Variants in SRGAP1 observed in about 807,000 individuals in gnomAD.
SRGAP1 encodes the protein SLIT-ROBO Rho GTPase activating protein 1, also known as SLIT-ROBO Rho GTPase-activating protein 1.
A neutral mutation model predicts 121.9 loss-of-function variants in SRGAP1; 43 were observed. The ratio of observed to expected loss-of-function variants is 0.35; its 90% CI spans 0.28 to 0.46. The LOEUF is 0.46. Among genes scored for constraint, SRGAP1 ranks in the 20% least tolerant of loss-of-function variants. The pLI, the probability that SRGAP1 is intolerant of heterozygous loss-of-function variation, is 1.00. For missense variants in SRGAP1, 1,102 were observed against 1,350.9 expected (o/e 0.82, Z 2.89); for synonymous variants, 447 against 485.4 (o/e 0.92, Z 1.04).
At chr12:64,098,624 C>T (rs1315091963) in intron 15 of SRGAP1, among the ~76,000 whole-genome samples, 1 of 151,388 alleles carries the variant, frequency 6.6e-6, no homozygotes, top group Admixed American at 6.6e-5. Context: ...GAGCCAAGAT[C>T]GTGCCACTGC....
In SRGAP1 at chr12:64,018,850, T is replaced by C. The variant is rs151105341; in HGVS notation, c.489+1838T>C. 8.5e-5 allele frequency among the ~76,000 whole-genome samples: 13 copies of C among 152,314 alleles called. 1 individual carries two copies. The highest frequency in any genetic ancestry group is 3.1e-4 in the African/African-American group (13 of 41,572). On this transcript the variant is annotated intron_variant, in intron 4 of 21. Coordinates refer to ENST00000355086, the MANE Select transcript of SRGAP1 (RefSeq NM_020762.4). ...TCTGATACCCTAAGGTATCAACCAT[T>C]TCTAGAAGCCCAGTAATTTAAAAGT...
At chr12:64,031,244 G>A (rs1372966637) in intron 4 of SRGAP1, among the ~76,000 whole-genome samples, 1 of 148,326 alleles carries the variant, frequency 6.7e-6, no homozygotes, top group East Asian at 2.0e-4. Context: ...CTTGAGCCTG[G>A]GAGGAGGAGG....
Position 64,148,338 on chromosome 12 carries a change from G to GT in SRGAP1, c.*5667dup, listed in dbSNP as rs2037083708. 6.8e-6 allele frequency: 1 copy of GT among 146,206 alleles called. No individual in the cohort carries two copies. Among genetic ancestry groups the GT allele is most frequent in the African/African-American group, 2.5e-5 (1 of 39,558 alleles). The allele number at this position is 146,206 out of a possible 1,614,324, so 9.1% of individuals were successfully genotyped here. A position where few individuals can be genotyped will look rare whatever the true frequency, so the allele number is the denominator to read the frequency against. On this transcript the variant is annotated 3_prime_UTR_variant, in exon 22 of 22. Coordinates refer to ENST00000355086, the MANE Select transcript of SRGAP1 (RefSeq NM_020762.4). The stretch of plus-strand genomic sequence containing the variant: ...TCTGTGTCACCCAGGCTGTAGTGCA[G>GT]TGGTGCAATCTCAGCTCACTGCAAC...
At chr12:64,048,176 C>T (rs951241884) in intron 6 of SRGAP1, among the ~76,000 whole-genome samples, 9 of 152,112 alleles carry the variant, frequency 5.9e-5, no homozygotes, top group Non-Finnish European at 1.0e-4. Flanking sequence ...CCCCCACTAC[C>T]ATTCTGTCTA....
At chr12:63,859,677 T>C (rs1899380850) in intron 1 of SRGAP1, among the ~76,000 whole-genome samples, 1 of 152,182 alleles carries the variant, frequency 6.6e-6, no homozygotes. Context: ...ATTACTAATA[T>C]AAGTATTTAG....
At position 64,127,929 on chromosome 12, in the gene SRGAP1, C is replaced by T. The variant is rs144536347; in HGVS notation, c.2609C>T (p.Pro870Leu). Reference sequence around the variant, plus strand: ...GGCAGGACCAGTGATGGCCATTGCCCGCTCCACCCTCCACATGCCCTTTCT... The same window carrying T: ...GGCAGGACCAGTGATGGCCATTGCCTGCTCCACCCTCCACATGCCCTTTCT... Reference protein sequence around the residue: ...RPGRTSDGHCPLHPPHALSNS... With the variant: ...RPGRTSDGHCLLHPPHALSNS... Residue 870 changes from proline (P) to leucine (L), a missense_variant, in exon 21 of 22, where the codon CCG becomes CTG. Pro to Leu is a moderately conservative substitution (Grantham distance 98, BLOSUM62 -3). Coordinates refer to ENST00000355086, the MANE Select transcript of SRGAP1 (RefSeq NM_020762.4). 1.9e-5 allele frequency: 30 copies of T among 1,614,064 alleles called. No homozygotes were observed. The highest frequency in any genetic ancestry group is 1.3e-4 in the African/African-American group (10 of 74,932).
At chr12:63,998,384 G>A (rs2033775183) in intron 3 of SRGAP1, among the ~76,000 whole-genome samples, 1 of 152,184 alleles carries the variant, frequency 6.6e-6, no homozygotes. Flanking sequence ...TACTTCCTGA[G>A]AGAAAGAAAT....
intron 1 of SRGAP1, among the ~76,000 whole-genome samples, chr12:63,900,249 A>T (rs1243080031): frequency 3.4e-5 from 4 of 119,390 alleles, no homozygotes; most frequent in Admixed American, 1.2e-4. Flanking sequence ...TCTTTCACCC[A>T]GGCTGGAGTG....
rs1281962351 is a variant in SRGAP1, at chr12:64,148,827, TA to T, written c.*6157del. 6.6e-6 allele frequency: 1 copy of T among 152,238 alleles called. No individual in the cohort carries two copies. Among genetic ancestry groups the T allele is most frequent in the African/African-American group, 2.4e-5 (1 of 41,470 alleles). 9.4% of individuals were successfully genotyped at this position (152,238 alleles called of 1,614,324 possible). On this transcript the variant is annotated 3_prime_UTR_variant, in exon 22 of 22. Transcript: ENST00000355086. Reference sequence around the variant, plus strand: ...ACACTGATGTATCCACCACCCAGTTTAAGCAATAGCACATTATCAGCATCCC... The same window carrying T: ...ACACTGATGTATCCACCACCCAGTTTAGCAATAGCACATTATCAGCATCCC...
chr12:63,849,588 G>T (rs558095365), intron 1 of SRGAP1, among the ~76,000 whole-genome samples: 2 of 152,312 alleles, frequency 1.3e-5, no homozygotes, highest in East Asian at 1.9e-4. Context: ...TTTAGTAGCA[G>T]ATGGAACATG....
At chr12:63,969,092 G>T (rs1230302691) in intron 1 of SRGAP1, among the ~76,000 whole-genome samples, 1 of 152,178 alleles carries the variant, frequency 6.6e-6, no homozygotes, top group Non-Finnish European at 1.5e-5. Context: ...GAAGGAAGAT[G>T]GTGTGAAGCA....
At chr12:63,864,914 A>G (rs1467291547) in intron 1 of SRGAP1, among the ~76,000 whole-genome samples, 1 of 152,132 alleles carries the variant, frequency 6.6e-6, no homozygotes, top group East Asian at 1.9e-4. Context: ...TCATATAACT[A>G]TATGGTTATA....
chr12:63,876,672 T>C (rs1256305504), intron 1 of SRGAP1, among the ~76,000 whole-genome samples: 2 of 152,192 alleles, frequency 1.3e-5, no homozygotes, highest in East Asian at 1.9e-4. Context: ...ACAAACAGAA[T>C]GATGTACGCT....
chr12:64,080,525 TCTC>T (rs1186246262), intron 10 of SRGAP1, 155 bp downstream of exon 10: 1 of 733,066 alleles, frequency 1.4e-6, no homozygotes, highest in African/African-American at 1.7e-5. Flanking sequence ...ATGATTAAGT[TCTC>T]CTGGCACGAT....
chr12:64,092,358 TC>T, intron 12 of SRGAP1, among the ~76,000 whole-genome samples: 1 of 152,170 alleles, frequency 6.6e-6, no homozygotes, highest in Non-Finnish European at 1.5e-5. Context: ...ATTAATAACC[TC>T]CCTTAATGAT....
intron 1 of SRGAP1, chr12:63,878,849 C>T (rs984423800): frequency 6.6e-6 from 1 of 152,164 alleles, no homozygotes; most frequent in Non-Finnish European, 1.5e-5. Context: ...TAATTCTCAC[C>T]TTGTTGGGTT....
At chr12:64,004,283 A>T (rs2034007316) in intron 3 of SRGAP1, among the ~76,000 whole-genome samples, 1 of 152,228 alleles carries the variant, frequency 6.6e-6, no homozygotes, top group Non-Finnish European at 1.5e-5. Flanking sequence ...GAATTTAAAA[A>T]TATGGTTCAG....
At position 64,110,835 on chromosome 12, in the gene SRGAP1, A is replaced by C. The variant is rs183595419; in HGVS notation, c.1920-927A>C. On this transcript the variant is annotated intron_variant, in intron 16 of 21. Transcript: ENST00000355086. ...CTACTTCCTAGACTATCTTATTTCC[A>C]AAAAAAGGGTAAAGTATCATGTCAT... is the stretch of plus-strand genomic sequence containing the variant. Among the ~76,000 whole-genome samples the C allele has an allele frequency of 6.7e-3, 1,020 of 152,254 alleles. 14 individuals are homozygous for C. Among genetic ancestry groups the C allele is most frequent in the African/African-American group, 0.023 (974 of 41,550 alleles).
At chr12:63,993,649 T>G (rs1298404282) in intron 3 of SRGAP1, among the ~76,000 whole-genome samples, 1 of 152,152 alleles carries the variant, frequency 6.6e-6, no homozygotes, top group African/African-American at 2.4e-5. Context: ...TGACAAAAAA[T>G]CATTTACCCA....
Sources: gnomAD v4.1 joint callset for allele counts (sites outside exome capture counted in the v4.1 genomes callset) on GRCh38, gnomAD v4.1.1 for gene constraint, MANE v1.5 for transcripts, NCBI Gene and HGNC (gene_info 2026-07-23, HGNC 2026-07-21) for gene names.